Variants in UGT2A3 observed in about 807,000 individuals in gnomAD.
UGT2A3 encodes the protein UDP-glucuronosyltransferase 2A3.
Under a neutral mutation model 44.1 loss-of-function variants are expected in UGT2A3, and 55 were observed. The observed-to-expected ratio is 1.25, with a 90% CI of 1.00 to 1.56. The LOEUF is 1.56. UGT2A3 is among the 40% of genes most tolerant of loss of function. The pLI, the probability that UGT2A3 is intolerant of heterozygous loss-of-function variation, is 0.00. For synonymous variants in UGT2A3, 243 were observed against 215.1 expected (o/e 1.13, Z -1.13); for missense variants, 733 against 621.6 (o/e 1.18, Z -1.91).
chr4:68,932,823 C>T, intron 2 of UGT2A3, 64 bp from the exon 3 acceptor site: 6 of 1,468,940 alleles, frequency 4.1e-6, no homozygotes, highest in Non-Finnish European at 5.6e-6. Context: ...ATAAAGGTTA[C>T]TTACACTTCT....
intron 1 of UGT2A3, among the ~76,000 whole-genome samples, chr4:68,947,755 T>C (rs373993919): frequency 6.6e-6 from 1 of 151,846 alleles, no homozygotes; most frequent in East Asian, 1.9e-4. Context: ...AACATTAATA[T>C]CTGTACATCT....
Position 68,929,748 on chromosome 4 carries a change from C to A in UGT2A3, c.*65G>T. The A allele has an allele frequency of 7.1e-7, 1 of 1,408,590 alleles. No homozygotes were observed. Among genetic ancestry groups the A allele is most frequent in the Non-Finnish European group, 9.6e-7 (1 of 1,040,354 alleles). The allele number at this position is 1,408,590 out of a possible 1,614,324, so 87.3% of individuals were successfully genotyped here. A position where few individuals can be genotyped will look rare whatever the true frequency, so the allele number is the denominator to read the frequency against. ...TAATATGAAAATAGCAAGGTTTTCA[C>A]CAAATTCTATGTGGCTGGAATTAAC... On this transcript the variant is annotated 3_prime_UTR_variant, in exon 6 of 6. Transcript: ENST00000251566.
chr4:68,947,968 C>A (rs1395015300), intron 1 of UGT2A3, among the ~76,000 whole-genome samples: 1 of 151,770 alleles, frequency 6.6e-6, no homozygotes, highest in East Asian at 2.0e-4. Context: ...TATTAAGAGT[C>A]CTCTATAATT....
At chr4:68,950,478 G>A (rs1270164550) in intron 1 of UGT2A3, among the ~76,000 whole-genome samples, 1 of 151,750 alleles carries the variant, frequency 6.6e-6, no homozygotes, top group Non-Finnish European at 1.5e-5. Flanking sequence ...TATCAGTAAA[G>A]CAAGGAAATA....
Position 68,929,300 on chromosome 4 carries a change from T to G in UGT2A3, c.*513A>C, listed in dbSNP as rs1717630183. On this transcript the variant is annotated 3_prime_UTR_variant, in exon 6 of 6. Transcript: ENST00000251566. ...AAGCATAATGCCATGTCATCATTAT[T>G]AGCAATTTATTTTCTGAGATCACTG... 1 of 152,288 alleles carries G rather than the reference T, an allele frequency of 6.6e-6. No individual in the cohort carries two copies. Among genetic ancestry groups the G allele is most frequent in the South Asian group, 2.1e-4 (1 of 4,828 alleles). 9.4% of individuals were successfully genotyped at this position (152,288 alleles called of 1,614,324 possible).
intron 2 of UGT2A3, among the ~76,000 whole-genome samples, chr4:68,944,969 G>T (rs1718331070): frequency 6.6e-6 from 1 of 151,516 alleles, no homozygotes; most frequent in Admixed American, 6.6e-5. Context: ...AAATATCCTT[G>T]TTCATAAGCC....
intron 2 of UGT2A3, among the ~76,000 whole-genome samples, chr4:68,940,947 A>T (rs936533351): frequency 1.3e-5 from 2 of 151,618 alleles, no homozygotes; most frequent in African/African-American, 4.8e-5. Context: ...TCCACACTTC[A>T]TGTTAAAATT....
intron 4 of UGT2A3, 109 bp from the exon 5 acceptor site, chr4:68,930,874 A>T (rs1397958786): frequency 2.0e-6 from 2 of 981,048 alleles, no homozygotes; most frequent in Non-Finnish European, 2.9e-6. Flanking sequence ...AGCGTACAGC[A>T]CTTTCTTTAG....
In UGT2A3 at chr4:68,945,372, T is replaced by C. The variant is rs1421741253; in HGVS notation, c.798A>G (p.Gln266=). Residue 266 remains glutamine, a synonymous_variant, in exon 2 of 6, where the codon CAA becomes CAG. Transcript: ENST00000251566. ...CAAACTCAAAGTTAGGTTGGTATGG[T>C]TGAGGAAATTCAAAATCCCAATATG... ...IRTYWDFEFP[Q]PYQPNFEFVG... The C allele has an allele frequency of 2.5e-6, 4 of 1,611,458 alleles. No homozygotes were observed. Among genetic ancestry groups the C allele is most frequent in the Non-Finnish European group, 3.4e-6 (4 of 1,178,506 alleles).
intron 5 of UGT2A3, among the ~76,000 whole-genome samples, 161 bp from the exon 6 acceptor site, chr4:68,930,253 C>T (rs1577842710): frequency 1.3e-5 from 2 of 151,970 alleles, no homozygotes; most frequent in East Asian, 3.9e-4. Context: ...TAGTATTAAA[C>T]AGATATAGTG....
intron 2 of UGT2A3, among the ~76,000 whole-genome samples, chr4:68,933,334 C>T (rs1717810785): frequency 6.6e-6 from 1 of 152,036 alleles, no homozygotes; most frequent in Admixed American, 6.6e-5. Flanking sequence ...TCACAGAAAA[C>T]TTCCCTGTAC....
At chr4:68,938,688 G>A (rs1159767961) in intron 2 of UGT2A3, among the ~76,000 whole-genome samples, 1 of 152,050 alleles carries the variant, frequency 6.6e-6, no homozygotes, top group East Asian at 1.9e-4. Context: ...ACACAGCATT[G>A]GAAGCTCTGG....
In UGT2A3 at chr4:68,929,715, A is replaced by G; in HGVS notation, c.*98T>C. The stretch of plus-strand genomic sequence containing the variant: ...GGCTATATAGCTAAGATAAAATAAC[A>G]GAATAGATAATATGAAAATAGCAAG... On this transcript the variant is annotated 3_prime_UTR_variant, in exon 6 of 6. Transcript: ENST00000251566. The G allele has an allele frequency of 8.9e-7, 1 of 1,120,426 alleles. No individual in the cohort carries two copies. The highest frequency in any genetic ancestry group is 1.3e-6 in the Non-Finnish European group (1 of 781,058). 69.4% of individuals were successfully genotyped at this position (1,120,426 alleles called of 1,614,324 possible).
At chr4:68,939,350 T>G (rs1485062466) in intron 2 of UGT2A3, among the ~76,000 whole-genome samples, 1 of 151,950 alleles carries the variant, frequency 6.6e-6, no homozygotes, top group African/African-American at 2.4e-5. Context: ...TCAAAACAGA[T>G]ATACAGACCA....
At chr4:68,931,047 GTAAAA>G (rs1048369785) in intron 4 of UGT2A3, 103 bp downstream of exon 4, 9 of 903,636 alleles carry the variant, frequency 1.0e-5, no homozygotes, top group South Asian at 1.9e-5. Context: ...AAAAGAGTAA[GTAAAA>G]TAAAGTTTTA....
At chr4:68,945,668 GAAGGAAGA>G (rs577624081) in intron 1 of UGT2A3, among the ~76,000 whole-genome samples, 2 of 149,954 alleles carry the variant, frequency 1.3e-5, no homozygotes, top group African/African-American at 2.4e-5. Flanking sequence ...AGAAAGGAGG[GAAGGAAGA>G]AAGGAAGGAA....
At chr4:68,942,339 C>CTCTCTATATATA (rs1173763752) in intron 2 of UGT2A3, among the ~76,000 whole-genome samples, 4 of 133,274 alleles carry the variant, frequency 3.0e-5, no homozygotes, top group African/African-American at 1.0e-4. Flanking sequence ...CTCTCTCTCT[C>CTCTCTATATATA]TATATATATA....
At chr4:68,948,004 C>T (rs1241445393) in intron 1 of UGT2A3, among the ~76,000 whole-genome samples, 4 of 151,790 alleles carry the variant, frequency 2.6e-5, no homozygotes, top group Non-Finnish European at 5.9e-5. Flanking sequence ...TGGGCATTGG[C>T]TTTACCTTTG....
chr4:68,929,633 A>G lies in UGT2A3; in HGVS notation c.*180T>C. On this transcript the variant is annotated 3_prime_UTR_variant, in exon 6 of 6. Coordinates refer to ENST00000251566, the MANE Select transcript of UGT2A3 (RefSeq NM_024743.4). The stretch of plus-strand genomic sequence containing the variant: ...GTGAGAGAAGAGAGTAAAGACACCT[A>G]GGAAAATACAACGAAAGAATGAGAT... The G allele has an allele frequency of 1.8e-6, 1 of 550,170 alleles. No individual in the cohort carries two copies. Among genetic ancestry groups the G allele is most frequent in the Admixed American group, 3.4e-5 (1 of 29,478 alleles). The allele number at this position is 550,170 out of a possible 1,614,324, so 34.1% of individuals were successfully genotyped here. A position where few individuals can be genotyped will look rare whatever the true frequency, so the allele number is the denominator to read the frequency against.
Sources: allele counts gnomAD v4.1 joint callset (sites outside exome capture counted in the v4.1 genomes callset), GRCh38; gene constraint gnomAD v4.1.1; transcripts MANE v1.5; gene names NCBI Gene and HGNC (gene_info 2026-07-23, HGNC 2026-07-21).